The following ATRX variants were observed in gnomAD, a reference collection of about 807,000 sequenced individuals.
ATRX encodes chromatin remodeler ATRX.
A neutral mutation model predicts 172.6 loss-of-function variants in ATRX; 12 were observed. That is an observed-to-expected ratio of 0.07 (90% CI 0.04 to 0.11). ATRX has a LOEUF of 0.11. Ranked by LOEUF, ATRX falls within the 10% of genes least tolerant of loss-of-function variation. The pLI is 1.00. For synonymous variants in ATRX, 674 were observed against 594.7 expected (o/e 1.13, Z -1.94); for missense variants, 1,368 against 1,767.4 (o/e 0.77, Z 4.05).
chrX:77,757,305 G>C (rs1022822867), intron 1 of ATRX, among the ~76,000 whole-genome samples: 1 of 111,565 alleles, frequency 9.0e-6, no homozygotes, highest in Non-Finnish European at 1.9e-5. Context: ...CACAGCAAGA[G>C]AACTGGATGT....
At chrX:77,598,006 C>T (rs1226246271) in intron 25 of ATRX, among the ~76,000 whole-genome samples, 1 of 111,878 alleles carries the variant, frequency 8.9e-6, no homozygotes, top group East Asian at 2.8e-4. Flanking sequence ...CAGCACTATT[C>T]ACAACAGCAA....
chrX:77,603,532 A>T (rs1274678031), intron 22 of ATRX, among the ~76,000 whole-genome samples: 16 of 94,740 alleles, frequency 1.7e-4, no homozygotes, highest in Non-Finnish European at 2.5e-4. Context: ...TGCTCGGCTA[A>T]TTTTTTTTTT....
chrX:77,596,481 T>C (rs1282785212), intron 25 of ATRX: 1 of 111,373 alleles, frequency 9.0e-6, no homozygotes, highest in Non-Finnish European at 1.9e-5. Context: ...ATGCTTCTAA[T>C]ATACTATACA....
chrX:77,621,799 TAAC>T (rs1557100116), intron 19 of ATRX, among the ~76,000 whole-genome samples: 4 of 111,178 alleles, frequency 3.6e-5, no homozygotes, highest in African/African-American at 1.3e-4. Context: ...GATCAAATAA[TAAC>T]AACTGTTATT....
chrX:77,574,165 A>T, intron 28 of ATRX, 85 bp downstream of exon 28: 1 of 699,040 alleles, frequency 1.4e-6, no homozygotes, highest in Non-Finnish European at 2.2e-6. Context: ...AAAACATTCA[A>T]ATACACAATA....
At chrX:77,764,339 G>A (rs2075831847) in intron 1 of ATRX, among the ~76,000 whole-genome samples, 1 of 111,337 alleles carries the variant, frequency 9.0e-6, no homozygotes, top group African/African-American at 3.3e-5. Context: ...CTATTGTATT[G>A]TACACTTAGG....
intron 2 of ATRX, among the ~76,000 whole-genome samples, chrX:77,708,126 A>T (rs561096659): frequency 8.9e-6 from 1 of 112,414 alleles, no homozygotes; most frequent in East Asian, 2.8e-4. Flanking sequence ...AAAAAACTGT[A>T]CACCAATATT....
intron 7 of ATRX, 131 bp downstream of exon 7, chrX:77,688,687 C>T (rs1273028288): frequency 1.9e-6 from 1 of 531,074 alleles, no homozygotes; most frequent in East Asian, 3.5e-5. Context: ...GTCTATTTTC[C>T]CCACTATAGT....
chrX:77,740,241 C>CA (rs1368355247), intron 1 of ATRX, among the ~76,000 whole-genome samples: 3 of 108,426 alleles, frequency 2.8e-5, no homozygotes, highest in Non-Finnish European at 3.8e-5. Flanking sequence ...AAACCACCAC[C>CA]AAAAAAAACT....
intron 1 of ATRX, among the ~76,000 whole-genome samples, chrX:77,760,038 A>G (rs782809048): frequency 8.8e-4 from 98 of 111,031 alleles, no homozygotes; most frequent in African/African-American, 3.1e-3. Context: ...AGCATTTTCT[A>G]TTTCAGATTC....
At chrX:77,586,821 G>A (rs781937960) in intron 27 of ATRX, among the ~76,000 whole-genome samples, 1 of 111,678 alleles carries the variant, frequency 9.0e-6, no homozygotes, top group South Asian at 3.8e-4. Context: ...TGCTTTAAGA[G>A]GCCAAGGCGG....
chrX:77,524,116 C>T (rs1361348726), intron 30 of ATRX, among the ~76,000 whole-genome samples: 2 of 111,311 alleles, frequency 1.8e-5, no homozygotes, highest in African/African-American at 3.3e-5. Context: ...AACTAAACTC[C>T]TGCTCTGTTT....
At chrX:77,640,475 A>T (rs2068601068) in intron 15 of ATRX, among the ~76,000 whole-genome samples, 1 of 111,837 alleles carries the variant, frequency 8.9e-6, no homozygotes, top group Non-Finnish European at 1.9e-5. Context: ...AGGAAAAAAA[A>T]TCATATGACC....
chrX:77,599,334 T>C, intron 25 of ATRX, 77 bp downstream of exon 25: 1 of 1,096,949 alleles, frequency 9.1e-7, no homozygotes, highest in Non-Finnish European at 1.3e-6. Context: ...GTCAGGTAAG[T>C]GACTGAAAAA....
chrX:77,574,115 T>C (rs1345860861), intron 28 of ATRX, 135 bp downstream of exon 28: 1 of 450,008 alleles, frequency 2.2e-6, no homozygotes, highest in African/African-American at 2.4e-5. Context: ...TAGGGAGTGA[T>C]GACACTGTTT....
chrX:77,685,981 C>T (rs1408779863), intron 7 of ATRX, among the ~76,000 whole-genome samples: 1 of 111,173 alleles, frequency 9.0e-6, no homozygotes, highest in African/African-American at 3.3e-5. Flanking sequence ...TAAGTGGGAT[C>T]TAAAAATCAA....
At chrX:77,618,555 A>G (rs2067452103) in intron 21 of ATRX, among the ~76,000 whole-genome samples, 1 of 111,804 alleles carries the variant, frequency 8.9e-6, no homozygotes, top group African/African-American at 3.2e-5. Flanking sequence ...CTAAACATTA[A>G]CATAATAAGA....
intron 17 of ATRX, chrX:77,634,305 A>C: frequency 4.9e-6 from 1 of 203,936 alleles, no homozygotes; most frequent in Non-Finnish European, 8.9e-6. Context: ...CCATACCTGA[A>C]ACCCCACAGC....
chrX:77,686,431 T>C (rs2071558753), intron 7 of ATRX, among the ~76,000 whole-genome samples: 1 of 112,376 alleles, frequency 8.9e-6, no homozygotes, highest in East Asian at 2.8e-4. Flanking sequence ...ACTGCACTAC[T>C]GCAGCCGGGT....
Sources: gnomAD v4.1 joint callset for allele counts (sites outside exome capture counted in the v4.1 genomes callset) on GRCh38, gnomAD v4.1.1 for gene constraint, MANE v1.5 for transcripts, NCBI Gene and HGNC (gene_info 2026-07-23, HGNC 2026-07-21) for gene names.